Variants in ACTR2 observed in about 807,000 individuals in gnomAD.
ACTR2 encodes actin related protein 2, also known as actin-related protein 2.
Under a neutral mutation model 50.2 loss-of-function variants are expected in ACTR2, and 5 were observed. That is an observed-to-expected ratio of 0.10 (90% CI 0.05 to 0.21). The LOEUF is 0.21. ACTR2 is among the 10% of genes least tolerant of loss of function. The probability of loss-of-function intolerance (pLI) is 1.00; values close to 1 mark genes in which losing one functional copy is unlikely to be tolerated. For missense variants in ACTR2, 180 were observed against 480.6 expected (o/e 0.37, Z 5.85); for synonymous variants, 140 against 162.9 (o/e 0.86, Z 1.07).
intron 5 of ACTR2, 106 bp from the exon 6 acceptor site, chr2:65,255,439 C>T (rs527923740): frequency 3.2e-6 from 3 of 936,672 alleles, no homozygotes; most frequent in Non-Finnish European, 4.6e-6. Context: ...ATCCACTGCC[C>T]ATTCTGTTTG....
chr2:65,268,738 C>T lies in ACTR2; in HGVS notation c.*4C>T. Reference sequence around the variant, plus strand: ...ACTTGGTGTGACTGTTCGATAAACTCCAAAGCTTGTTCCCGTCATACCCGT... The same window carrying T: ...ACTTGGTGTGACTGTTCGATAAACTTCAAAGCTTGTTCCCGTCATACCCGT... On this transcript the variant is annotated 3_prime_UTR_variant, in exon 9 of 9. Coordinates refer to ENST00000260641, the MANE Select transcript of ACTR2 (RefSeq NM_005722.4). 6.2e-7 allele frequency: 1 copy of T among 1,612,760 alleles called. No individual in the cohort carries two copies. The highest frequency in any genetic ancestry group is 8.5e-7 in the Non-Finnish European group (1 of 1,179,398).
intron 1 of ACTR2, among the ~76,000 whole-genome samples, chr2:65,239,177 G>A (rs1471875670): frequency 4.6e-5 from 7 of 152,102 alleles, no homozygotes; most frequent in African/African-American, 1.4e-4. Flanking sequence ...GCATTTTGCC[G>A]GGCATGGTGG....
chr2:65,239,999 A>G, intron 2 of ACTR2, 37 bp downstream of exon 2: 2 of 1,349,000 alleles, frequency 1.5e-6, no homozygotes, highest in Non-Finnish European at 1.1e-6. Flanking sequence ...TAATCAAGAC[A>G]TGTGAGGTGT....
Position 65,253,729 on chromosome 2 carries a change from T to G in ACTR2, c.450T>G (p.Gly150=). 6.2e-7 allele frequency: 1 copy of G among 1,611,690 alleles called. No individual in the cohort carries two copies. Among genetic ancestry groups the G allele is most frequent in the Non-Finnish European group, 8.5e-7 (1 of 1,179,306 alleles). ...IQAVLTLYAQ[G]LLTGVVVDSG... is the part of the protein sequence containing the mutation. ...TAAATCCCCCTGGCTTTTATGCAGG[T>G]TTATTGACTGGTGTAGTGGTAGACT... is the stretch of plus-strand genomic sequence containing the variant. Residue 150 remains glycine (G), a splice_region_variant and synonymous_variant, in exon 5 of 9, where the codon GGT becomes GGG. Transcript: ENST00000260641.
chr2:65,249,114 T>C (rs2104000262), intron 3 of ACTR2, among the ~76,000 whole-genome samples: 2 of 152,322 alleles, frequency 1.3e-5, no homozygotes, highest in South Asian at 4.1e-4. Flanking sequence ...ATAGTTTAAA[T>C]AAGTAATTTT....
intron 2 of ACTR2, among the ~76,000 whole-genome samples, chr2:65,245,961 C>CT (rs1256023041): frequency 1.3e-5 from 2 of 151,406 alleles, no homozygotes; most frequent in Admixed American, 6.6e-5. Flanking sequence ...AGTTTAAATT[C>CT]TTATTCAGGC....
intron 3 of ACTR2, among the ~76,000 whole-genome samples, 195 bp from the exon 4 acceptor site, chr2:65,250,832 C>T (rs1028041407): frequency 6.6e-6 from 1 of 152,110 alleles, no homozygotes; most frequent in African/African-American, 2.4e-5. Context: ...ACTTAGAAAT[C>T]TGTCTTCAGA....
At chr2:65,253,971 G>A in intron 5 of ACTR2, 107 bp downstream of exon 5, 1 of 887,024 alleles carries the variant, frequency 1.1e-6, no homozygotes, top group Non-Finnish European at 1.7e-6. Flanking sequence ...TGTACCACTA[G>A]AGAAATTATC....
At chr2:65,254,024 T>C (rs561407263) in intron 5 of ACTR2, among the ~76,000 whole-genome samples, 160 bp downstream of exon 5, 1 of 152,268 alleles carries the variant, frequency 6.6e-6, no homozygotes, top group South Asian at 2.1e-4. Context: ...ATAAGATTTA[T>C]ACACATGAAG....
chr2:65,250,958 T>G, intron 3 of ACTR2, 69 bp from the exon 4 acceptor site: 1 of 1,111,232 alleles, frequency 9.0e-7, no homozygotes, highest in South Asian at 1.5e-5. Context: ...TCTGTGACCA[T>G]GAGGAAAACA....
chr2:65,241,847 A>G (rs891143108), intron 2 of ACTR2: 1 of 496,994 alleles, frequency 2.0e-6, no homozygotes, highest in South Asian at 5.4e-5. Flanking sequence ...TTAATGAGTT[A>G]ATTTGCATTC....
intron 2 of ACTR2, among the ~76,000 whole-genome samples, chr2:65,242,216 A>C (rs1671850432): frequency 6.6e-6 from 1 of 152,060 alleles, no homozygotes; most frequent in Non-Finnish European, 1.5e-5. Flanking sequence ...TCATTGCTTC[A>C]ATTTGATAGC....
chr2:65,265,270 T>C lies in ACTR2; in HGVS notation c.1014+95T>C, dbSNP rs753197140. ...CAACCACCAGAGGGAGCAAGACGTC[T>C]TCCAAAACAAATTCCTACTGCAGTC... On this transcript the variant is annotated intron_variant, in intron 8 of 8. Transcript: ENST00000260641. 4.1e-5 allele frequency: 58 copies of C among 1,411,182 alleles called. No homozygotes were observed. In the East Asian group the frequency reaches 1.1e-3, roughly 28 times the overall value. 87.4% of individuals were successfully genotyped at this position (1,411,182 alleles called of 1,614,324 possible).
At position 65,258,412 on chromosome 2, in the gene ACTR2, C is replaced by CA. The variant is rs1263804896; in HGVS notation, c.735+2726dup. ...GCAATATAATGAGACCCTGTCTCTA[C>CA]AAAAAAAATACAAAAATTTGCCAGG... On this transcript the variant is annotated intron_variant, in intron 6 of 8. Coordinates refer to ENST00000260641, the MANE Select transcript of ACTR2 (RefSeq NM_005722.4). 3.3e-5 allele frequency among the ~76,000 whole-genome samples: 5 copies of CA among 151,316 alleles called. No individual in the cohort carries two copies. The East Asian group carries it at 9.7e-4, about 29-fold the overall frequency.
intron 1 of ACTR2, among the ~76,000 whole-genome samples, chr2:65,230,403 ATTTTTT>A (rs11299935): frequency 1.3e-5 from 1 of 78,172 alleles, no homozygotes; most frequent in African/African-American, 5.7e-5. Flanking sequence ...ACCGAAGCTG[ATTTTTT>A]TTTTTTTTTT....
intron 3 of ACTR2, 80 bp downstream of exon 3, chr2:65,246,819 G>C (rs1415314428): frequency 2.0e-6 from 2 of 992,530 alleles, no homozygotes; most frequent in African/African-American, 1.7e-5. Flanking sequence ...TGTTGCTATG[G>C]ATAAAGAGAA....
At chr2:65,264,117 C>T (rs907236026) in intron 7 of ACTR2, among the ~76,000 whole-genome samples, 3 of 152,080 alleles carry the variant, frequency 2.0e-5, no homozygotes, top group African/African-American at 7.2e-5. Context: ...ACCTAAAGTG[C>T]GGAGTCAGAT....
chr2:65,237,862 C>T (rs1438332845), intron 1 of ACTR2, among the ~76,000 whole-genome samples: 1 of 152,098 alleles, frequency 6.6e-6, no homozygotes, highest in African/African-American at 2.4e-5. Context: ...CACCTGTAGT[C>T]CCAGCTACTC....
intron 2 of ACTR2, chr2:65,242,148 T>G: frequency 1.1e-6 from 1 of 947,162 alleles, no homozygotes; most frequent in Non-Finnish European, 1.7e-6. Context: ...CCTTTAGTAT[T>G]GGGGAGGGGG....
Sources: gnomAD v4.1 joint callset for allele counts (sites outside exome capture counted in the v4.1 genomes callset) on GRCh38, gnomAD v4.1.1 for gene constraint, MANE v1.5 for transcripts, NCBI Gene and HGNC (gene_info 2026-07-23, HGNC 2026-07-21) for gene names.